Variants in NRAP observed in about 807,000 individuals in gnomAD.
The protein encoded by NRAP is nebulin related anchoring protein.
A neutral mutation model predicts 225.9 loss-of-function variants in NRAP; 189 were observed. The ratio of observed to expected loss-of-function variants is 0.84; its 90% CI spans 0.74 to 0.94. The LOEUF (loss-of-function observed/expected upper bound fraction) is 0.94. Ranked by LOEUF, NRAP falls within the 40% of genes least tolerant of loss-of-function variation. The probability of loss-of-function intolerance (pLI) is 0.00; values close to 1 mark genes in which losing one functional copy is unlikely to be tolerated. For synonymous variants in NRAP, 769 were observed against 790.7 expected (o/e 0.97, Z 0.46); for missense variants, 2,176 against 2,168.7 (o/e 1.00, Z -0.07).
At chr10:113,663,786 C>T (rs1850847094) in intron 1 of NRAP, 25 bp downstream of exon 1, 1 of 1,576,530 alleles carries the variant, frequency 6.3e-7, no homozygotes, top group South Asian at 1.1e-5. Context: ...TTATTATTCA[C>T]AAAAGCCAAG....
At chr10:113,635,130 T>C (rs1397781989) in intron 14 of NRAP, among the ~76,000 whole-genome samples, 1 of 152,232 alleles carries the variant, frequency 6.6e-6, no homozygotes, top group Non-Finnish European at 1.5e-5. Flanking sequence ...AAATACAAAT[T>C]GCCCTTTCGA....
At position 113,653,023 on chromosome 10, in the gene NRAP, T is replaced by TGAATCACCTGTAATA. The variant is rs200050542; in HGVS notation, c.481_482insTATTACAGGTGATTC (p.Tyr161delinsLeuLeuGlnValIleHis). The TGAATCACCTGTAATA allele has an allele frequency of 6.2e-7, 1 of 1,608,070 alleles. No individual in the cohort carries two copies. Among genetic ancestry groups the TGAATCACCTGTAATA allele is most frequent in the African/African-American group, 1.4e-5 (1 of 73,888 alleles). ...GCTCCCCTTGCCCCTGGGTTGCTCA[T>TGAATCACCTGTAATA]AGTCTTCTGTATATTCCTGTTGGTC... is the stretch of plus-strand genomic sequence containing the variant. On this transcript the variant is annotated protein_altering_variant, in exon 6 of 42. Coordinates refer to ENST00000359988, the MANE Select transcript of NRAP (RefSeq NM_198060.4).
In NRAP at chr10:113,588,922, C is replaced by G; in HGVS notation, c.*53G>C. On this transcript the variant is annotated 3_prime_UTR_variant, in exon 42 of 42. Transcript: ENST00000359988. ...GAAATCAAAGCCATCTGAAGCCTGT[C>G]TCTGGTGAACAAACTTCCTCTCTGG... The G allele has an allele frequency of 2.1e-6, 3 of 1,426,608 alleles. No homozygotes were observed. In the South Asian group the frequency reaches 3.5e-5, roughly 17 times the overall value. 88.4% of individuals were successfully genotyped at this position (1,426,608 alleles called of 1,614,324 possible).
At chr10:113,653,997 TA>T in intron 5 of NRAP, 23 bp downstream of exon 5, 1 of 1,439,600 alleles carries the variant, frequency 6.9e-7, no homozygotes, top group Non-Finnish European at 9.8e-7. Context: ...AACCAATTCC[TA>T]AAGCAATTTC....
intron 35 of NRAP, among the ~76,000 whole-genome samples, chr10:113,602,472 A>G (rs1346653446): frequency 6.6e-6 from 1 of 152,182 alleles, no homozygotes; most frequent in Non-Finnish European, 1.5e-5. Context: ...AGGACTTTGT[A>G]AGTGGAACTT....
intron 14 of NRAP, among the ~76,000 whole-genome samples, 164 bp downstream of exon 14, chr10:113,640,063 G>T (rs1849108094): frequency 6.6e-6 from 1 of 152,198 alleles, no homozygotes; most frequent in Admixed American, 6.5e-5. Context: ...ATGCATAAAT[G>T]AACTTCCTAG....
At chr10:113,645,312 G>A (rs139551354) in intron 11 of NRAP, among the ~76,000 whole-genome samples, 251 of 152,354 alleles carry the variant, frequency 1.6e-3, no homozygotes, top group African/African-American at 5.3e-3. Flanking sequence ...AGAGAAAGAT[G>A]TAATTGGTTT....
chr10:113,611,506 C>A (rs953627282), intron 30 of NRAP, among the ~76,000 whole-genome samples: 3 of 152,194 alleles, frequency 2.0e-5, no homozygotes, highest in African/African-American at 7.2e-5. Flanking sequence ...CACTCTGGCT[C>A]TCCTTGGGAG....
intron 25 of NRAP, among the ~76,000 whole-genome samples, chr10:113,619,185 G>A (rs1174298489): frequency 1.3e-5 from 2 of 152,128 alleles, no homozygotes; most frequent in Admixed American, 1.3e-4. Flanking sequence ...AGATCCCTTG[G>A]CTGCCAGATT....
At chr10:113,649,058 A>C (rs1323524753) in intron 9 of NRAP, among the ~76,000 whole-genome samples, 1 of 152,202 alleles carries the variant, frequency 6.6e-6, no homozygotes, top group Non-Finnish European at 1.5e-5. Context: ...AACATTTTTC[A>C]CTGGTTTAAA....
chr10:113,627,245 C>T, intron 20 of NRAP, among the ~76,000 whole-genome samples: 1 of 152,234 alleles, frequency 6.6e-6, no homozygotes, highest in East Asian at 1.9e-4. Flanking sequence ...AAGGGAGTCA[C>T]ATTACCCCGC....
intron 35 of NRAP, among the ~76,000 whole-genome samples, chr10:113,598,989 G>A (rs944775221): frequency 2.2e-4 from 33 of 152,166 alleles, no homozygotes; most frequent in East Asian, 1.9e-4. Context: ...TACCTACAAC[G>A]AGAAAGTCGC....
intron 36 of NRAP, 89 bp downstream of exon 36, chr10:113,597,880 T>C: frequency 2.1e-6 from 2 of 960,160 alleles, no homozygotes; most frequent in South Asian, 2.6e-5. Context: ...TGAGGTCCTT[T>C]GGGTTCTCCA....
chr10:113,620,855 C>G lies in NRAP; in HGVS notation c.2770-147G>C, dbSNP rs920588541. On this transcript the variant is annotated intron_variant, in intron 24 of 41. Coordinates refer to ENST00000359988, the MANE Select transcript of NRAP (RefSeq NM_198060.4). ...TGTCTTATGCATTTCTGCAAAGTCA[C>G]AGGTAGGGCTCCCAAAAGTCAATTA... The G allele has an allele frequency of 1.9e-5, 12 of 627,026 alleles. No homozygotes were observed. The African/African-American group carries it at 2.0e-4, about 11-fold the overall frequency. 38.8% of individuals were successfully genotyped at this position (627,026 alleles called of 1,614,324 possible). A position where few individuals can be genotyped will look rare whatever the true frequency, so the allele number is the denominator to read the frequency against.
At chr10:113,651,775 T>A in intron 7 of NRAP, 28 bp downstream of exon 7, 1 of 1,404,898 alleles carries the variant, frequency 7.1e-7, no homozygotes, top group Non-Finnish European at 1.0e-6. Context: ...TGCCCATCAG[T>A]GATGGACTGG....
chr10:113,602,805 C>T (rs540795765), intron 35 of NRAP, among the ~76,000 whole-genome samples: 79 of 152,282 alleles, frequency 5.2e-4, no homozygotes, highest in Middle Eastern at 3.4e-3. Context: ...AGGTATCATG[C>T]TGTTTCATAT....
At position 113,604,735 on chromosome 10, in the gene NRAP, G is replaced by A; in HGVS notation, c.4101C>T (p.Val1367=). ...FHLPMDMVHL[V]HAKNAQALAS... ...CCAGAGCCTGGGCATTCTTGGCATGGACCAGGTGCACCATGTCCATGGGCA... is the reference window on the plus strand; with the variant it reads ...CCAGAGCCTGGGCATTCTTGGCATGAACCAGGTGCACCATGTCCATGGGCA... The change falls in exon 35 of 42, where the codon GTC becomes GTT. Residue 1367 remains valine, a synonymous_variant. Coordinates refer to ENST00000359988, the MANE Select transcript of NRAP (RefSeq NM_198060.4). 1 of 1,614,196 alleles carries A rather than the reference G, an allele frequency of 6.2e-7. No homozygotes were observed. Among genetic ancestry groups the A allele is most frequent in the Middle Eastern group, 1.6e-4 (1 of 6,062 alleles).
chr10:113,617,422 T>G (rs764578303), intron 26 of NRAP, 33 bp downstream of exon 26: 2 of 1,260,394 alleles, frequency 1.6e-6, no homozygotes, highest in Non-Finnish European at 2.3e-6. Flanking sequence ...GAGCCCACTC[T>G]TAGAGTCATA....
At position 113,589,074 on chromosome 10, in the gene NRAP, C is replaced by G. The variant is rs562795399; in HGVS notation, c.5094G>C (p.Gly1698=). The G allele has an allele frequency of 2.5e-6, 4 of 1,613,562 alleles. No individual in the cohort carries two copies. The African/African-American group carries it at 5.3e-5, about 22-fold the overall frequency. The change falls in exon 42 of 42, where the codon GGG becomes GGC. Residue 1698 remains glycine, a synonymous_variant. Coordinates refer to ENST00000359988, the MANE Select transcript of NRAP (RefSeq NM_198060.4). Reference sequence around the variant, plus strand: ...GATCTCCAGCCTCCACTGCTTCTGCCCCCCGCTGCTGAAATCAAACATACC... The same window carrying G: ...GATCTCCAGCCTCCACTGCTTCTGCGCCCCGCTGCTGAAATCAAACATACC... The part of the protein sequence containing the change: ...RGLGLQGAYR[G]AEAVEAGDHQ...
Sources: allele counts gnomAD v4.1 joint callset (sites outside exome capture counted in the v4.1 genomes callset), GRCh38; gene constraint gnomAD v4.1.1; transcripts MANE v1.5; gene names NCBI Gene and HGNC (gene_info 2026-07-23, HGNC 2026-07-21).